The following PHC1 variants were observed in gnomAD, a reference collection of about 807,000 sequenced individuals.
PHC1 encodes the protein polyhomeotic homolog 1.
A neutral mutation model predicts 104.3 loss-of-function variants in PHC1; 12 were observed. That is an observed-to-expected ratio of 0.12 (90% CI 0.07 to 0.19). The LOEUF is 0.19. Among genes scored for constraint, PHC1 ranks in the 10% least tolerant of loss-of-function variants. The probability of loss-of-function intolerance (pLI) is 1.00; values close to 1 mark genes in which losing one functional copy is unlikely to be tolerated. For missense variants in PHC1, 671 were observed against 1,200.0 expected, an observed-to-expected ratio of 0.56 and a Z score of 6.51; for synonymous variants, 302 against 455.8, an observed-to-expected ratio of 0.66 and a Z score of 4.30.
intron 6 of PHC1, among the ~76,000 whole-genome samples, chr12:8,928,076 T>G (rs1945580044): frequency 6.6e-6 from 1 of 151,922 alleles, no homozygotes; most frequent in Non-Finnish European, 1.5e-5. Flanking sequence ...CAGCTAATGT[T>G]TTGTATTTTT....
chr12:8,936,823 A>G (rs745386494), intron 11 of PHC1, 33 bp from the exon 12 acceptor site: 7 of 1,349,258 alleles, frequency 5.2e-6, no homozygotes, highest in Non-Finnish European at 7.4e-6. Flanking sequence ...GCAGAAACCC[A>G]TGGTGACTGT....
At chr12:8,926,015 A>G (rs1439089752) in intron 6 of PHC1, among the ~76,000 whole-genome samples, 1 of 152,148 alleles carries the variant, frequency 6.6e-6, no homozygotes, top group Non-Finnish European at 1.5e-5. Flanking sequence ...AGGGTGAACT[A>G]ATTTAGTAGA....
intron 9 of PHC1, 80 bp from the exon 10 acceptor site, chr12:8,934,186 TG>T (rs1206132569): frequency 2.3e-6 from 3 of 1,310,788 alleles, no homozygotes; most frequent in Non-Finnish European, 3.3e-6. Context: ...TAGATTATTA[TG>T]GAAGATCATG....
chr12:8,933,856 A>G lies in PHC1; in HGVS notation c.1894-9A>G. 1 of 1,608,908 alleles carries G rather than the reference A, an allele frequency of 6.2e-7. No homozygotes were observed. The highest frequency in any genetic ancestry group is 8.5e-7 in the Non-Finnish European group (1 of 1,175,920). On this transcript the variant is annotated splice_polypyrimidine_tract_variant and intron_variant, in intron 8 of 14. Transcript: ENST00000544916. Reference sequence around the variant, plus strand: ...CATCTTTGTTTCTTTCCTATTCTTTACGGTATAGGGTAAACCCCAGACATT... The same window carrying G: ...CATCTTTGTTTCTTTCCTATTCTTTGCGGTATAGGGTAAACCCCAGACATT...
chr12:8,931,623 C>T lies in PHC1; in HGVS notation c.1105+696C>T, dbSNP rs772129324. ...GCTGAAGCAGGAGAGTAGCTTGAACCCGGTTGGCAGAGGTTGCAGTGAGCT... is the reference window on the plus strand; with the variant it reads ...GCTGAAGCAGGAGAGTAGCTTGAACTCGGTTGGCAGAGGTTGCAGTGAGCT... On this transcript the variant is annotated intron_variant, in intron 7 of 14. Transcript: ENST00000544916. 3.3e-5 allele frequency among the ~76,000 whole-genome samples: 5 copies of T among 152,266 alleles called. No homozygotes were observed. The East Asian group carries it at 9.6e-4, about 29-fold the overall frequency.
intron 9 of PHC1, 125 bp downstream of exon 9, chr12:8,934,137 C>A: frequency 7.5e-7 from 1 of 1,329,734 alleles, no homozygotes; most frequent in South Asian, 1.3e-5. Context: ...TGAATAGATC[C>A]AAAAACAGGG....
chr12:8,939,240 G>A (rs1945938655), intron 14 of PHC1, 65 bp from the exon 15 acceptor site: 1 of 1,593,306 alleles, frequency 6.3e-7, no homozygotes, highest in Non-Finnish European at 8.6e-7. Flanking sequence ...CTAGACCTCA[G>A]TTTCATTTAG....
At chr12:8,928,391 A>G (rs1945589190) in intron 6 of PHC1, among the ~76,000 whole-genome samples, 1 of 151,828 alleles carries the variant, frequency 6.6e-6, no homozygotes, top group Admixed American at 6.6e-5. Flanking sequence ...TCCTTGGATC[A>G]TGACACTCTC....
intron 12 of PHC1, 28 bp downstream of exon 12, chr12:8,936,992 T>G (rs370329018): frequency 1.3e-6 from 2 of 1,492,782 alleles, no homozygotes; most frequent in African/African-American, 2.8e-5. Flanking sequence ...CTCCTTGCCC[T>G]CAGCACTGGT....
chr12:8,920,476 G>T (rs2137063531), intron 3 of PHC1, among the ~76,000 whole-genome samples: 1 of 152,368 alleles, frequency 6.6e-6, no homozygotes, highest in Non-Finnish European at 1.5e-5. Context: ...GGGAGGCTGA[G>T]GCAGGTGGAT....
In PHC1 at chr12:8,930,168, A is replaced by G. The variant is rs74060239; in HGVS notation, c.613-267A>G. Among the ~76,000 whole-genome samples, 403 of 152,336 alleles carry G rather than the reference A, an allele frequency of 2.6e-3. 3 individuals are homozygous for G. The highest frequency in any genetic ancestry group is 8.5e-3 in the African/African-American group (354 of 41,580). Reference sequence around the variant, plus strand: ...TGCTGAATGATTGAATGGCGAGGAAAGGGATAATTGAAGAGATATTTTGAA... The same window carrying G: ...TGCTGAATGATTGAATGGCGAGGAAGGGGATAATTGAAGAGATATTTTGAA... On this transcript the variant is annotated intron_variant, in intron 6 of 14. Coordinates refer to ENST00000544916, the MANE Select transcript of PHC1 (RefSeq NM_004426.3).
intron 10 of PHC1, 46 bp downstream of exon 10, chr12:8,934,524 C>A: frequency 7.1e-7 from 1 of 1,416,910 alleles, no homozygotes; most frequent in Non-Finnish European, 9.8e-7. Context: ...GGGACTTGGT[C>A]TGATTGTTGT....
chr12:8,926,510 A>C (rs1328590654), intron 6 of PHC1, among the ~76,000 whole-genome samples: 2 of 152,200 alleles, frequency 1.3e-5, no homozygotes, highest in Admixed American at 1.3e-4. Context: ...GCCCCAGTTA[A>C]CTTGGGAGGC....
chr12:8,925,203 G>A (rs976452838), intron 6 of PHC1, among the ~76,000 whole-genome samples: 14 of 152,076 alleles, frequency 9.2e-5, no homozygotes, highest in Admixed American at 9.2e-4. Flanking sequence ...TGTAAAATAG[G>A]TATTGTAATA....
intron 14 of PHC1, among the ~76,000 whole-genome samples, chr12:8,938,835 G>A (rs754683209): frequency 1.3e-5 from 2 of 151,746 alleles, no homozygotes; most frequent in South Asian, 4.2e-4. Context: ...TGTTGTTGTT[G>A]TTGTTTTGAG....
At position 8,921,585 on chromosome 12, in the gene PHC1, T is replaced by C; in HGVS notation, c.307-16T>C. On this transcript the variant is annotated splice_polypyrimidine_tract_variant and intron_variant, in intron 4 of 14. Coordinates refer to ENST00000544916, the MANE Select transcript of PHC1 (RefSeq NM_004426.3). The stretch of plus-strand genomic sequence containing the variant: ...CTCCCAAATCCTTAGTCCTGGTTCC[T>C]TTCTGTACCACACAGATCAATCTGG... 1 of 1,613,350 alleles carries C rather than the reference T, an allele frequency of 6.2e-7. No homozygotes were observed. The highest frequency in any genetic ancestry group is 1.3e-5 in the African/African-American group (1 of 75,024).
chr12:8,917,477 A>G (rs1244168202), intron 1 of PHC1, among the ~76,000 whole-genome samples, 153 bp from the exon 2 acceptor site: 2 of 152,208 alleles, frequency 1.3e-5, no homozygotes, highest in African/African-American at 4.8e-5. Context: ...GAGTGTATTG[A>G]AGATTTGGGA....
At chr12:8,926,747 C>G (rs1261231427) in intron 6 of PHC1, among the ~76,000 whole-genome samples, 1 of 152,042 alleles carries the variant, frequency 6.6e-6, no homozygotes, top group Non-Finnish European at 1.5e-5. Flanking sequence ...AACCCCGTCT[C>G]TACTAAAAAT....
chr12:8,920,170 T>C (rs1945321226), intron 3 of PHC1, among the ~76,000 whole-genome samples: 1 of 152,204 alleles, frequency 6.6e-6, no homozygotes, highest in Non-Finnish European at 1.5e-5. Context: ...AGACGTCCTA[T>C]AAGATTTTAG....
Sources: gnomAD v4.1 joint callset for allele counts (sites outside exome capture counted in the v4.1 genomes callset) on GRCh38, gnomAD v4.1.1 for gene constraint, MANE v1.5 for transcripts, NCBI Gene and HGNC (gene_info 2026-07-23, HGNC 2026-07-21) for gene names.